DSCAML1: variants seen among roughly 807,000 people sequenced by gnomAD.
DSCAML1 encodes DS cell adhesion molecule like 1.
Under a neutral mutation model 200.5 loss-of-function variants are expected in DSCAML1, and 38 were observed. That is an observed-to-expected ratio of 0.19 (90% confidence interval 0.15 to 0.25). The LOEUF (loss-of-function observed/expected upper bound fraction) is 0.25, where lower values mean the gene tolerates loss of function less well. DSCAML1 is among the 10% of genes least tolerant of loss of function. The pLI is 1.00. For synonymous variants in DSCAML1, 1,215 were observed against 1,165.0 expected (o/e 1.04, Z -0.87); for missense variants, 2,223 against 2,858.8 (o/e 0.78, Z 5.07).
At position 117,780,249 on chromosome 11, in the gene DSCAML1, A is replaced by G. The variant is rs1259880701; in HGVS notation, c.364+244T>C. ...AAAGAAAGGAAAGAAAGAAAGAAAG[A>G]AAGAAAGAAAGAAAGAAAGAAAGAA... is the stretch of plus-strand genomic sequence containing the variant. On this transcript the variant is annotated intron_variant, in intron 2 of 32. Coordinates refer to ENST00000651296, the MANE Select transcript of DSCAML1 (RefSeq NM_020693.4). This position sits in a 1 kb window ranked among gnomAD's most constrained non-coding sequence, Gnocchi z 4.8. Among the ~76,000 whole-genome samples the G allele has an allele frequency of 3.7e-5, 3 of 80,586 alleles. No homozygotes were observed. The highest frequency in any genetic ancestry group is 1.2e-4 in the Admixed American group (1 of 8,372). 52.9% of individuals were successfully genotyped at this position (80,586 alleles called of 152,430 possible).
chr11:117,614,411 C>T (rs561136820), intron 3 of DSCAML1, among the ~76,000 whole-genome samples: 66 of 152,262 alleles, frequency 4.3e-4, no homozygotes, highest in South Asian at 1.5e-3. Flanking sequence ...TGTACTGGGG[C>T]GCAGTGTGGC....
intron 3 of DSCAML1, among the ~76,000 whole-genome samples, chr11:117,759,411 C>T (rs140921459): frequency 6.6e-6 from 1 of 152,194 alleles, no homozygotes; most frequent in Admixed American, 6.5e-5. Context: ...GACCCTGCCC[C>T]GCCCTCTGCC....
intron 3 of DSCAML1, among the ~76,000 whole-genome samples, chr11:117,629,620 G>C (rs1232697297): frequency 1.3e-5 from 2 of 152,008 alleles, no homozygotes; most frequent in Non-Finnish European, 2.9e-5. Flanking sequence ...GACAGAGACA[G>C]GGAGACTCAG....
chr11:117,656,853 G>A (rs764219677), intron 3 of DSCAML1, among the ~76,000 whole-genome samples: 1 of 152,190 alleles, frequency 6.6e-6, no homozygotes. Context: ...GCCCTCAAAT[G>A]CCCAGGCACC....
chr11:117,508,591 C>A (rs905084395), intron 8 of DSCAML1, among the ~76,000 whole-genome samples: 5 of 151,326 alleles, frequency 3.3e-5, no homozygotes, highest in African/African-American at 1.2e-4. Context: ...GTTCTGGAAC[C>A]TTGGTCCCTT....
At chr11:117,435,534 ACACAGG>A in intron 27 of DSCAML1, 104 bp downstream of exon 27, 1 of 1,303,918 alleles carries the variant, frequency 7.7e-7, no homozygotes, top group Non-Finnish European at 1.0e-6. Context: ...CTTCAAGGGG[ACACAGG>A]CACTCTGTAT....
intron 8 of DSCAML1, among the ~76,000 whole-genome samples, chr11:117,509,951 A>G (rs2049585598): frequency 6.6e-6 from 1 of 152,192 alleles, no homozygotes; most frequent in Non-Finnish European, 1.5e-5. Context: ...AATGCCTCAC[A>G]ACCCAGGGCT....
chr11:117,692,835 C>A lies in DSCAML1; in HGVS notation c.511+83956G>T, dbSNP rs137959206. Among the ~76,000 whole-genome samples the A allele has an allele frequency of 2.8e-3, 429 of 152,298 alleles. 4 individuals are homozygous for A. The highest frequency in any genetic ancestry group is 9.9e-3 in the African/African-American group (412 of 41,558). ...CCCCTGCATGGAATGGAACTGAAAC[C>A]GGTTGTTCTACAGCTCCCAAGTTCT... On this transcript the variant is annotated intron_variant, in intron 3 of 32. Coordinates refer to ENST00000651296, the MANE Select transcript of DSCAML1 (RefSeq NM_020693.4).
At chr11:117,809,026 T>C (rs1021081269) in intron 1 of DSCAML1, among the ~76,000 whole-genome samples, 4 of 152,230 alleles carry the variant, frequency 2.6e-5, no homozygotes, top group African/African-American at 9.6e-5. Flanking sequence ...CTGTCTACCC[T>C]GCTCTAGCAG....
intron 1 of DSCAML1, among the ~76,000 whole-genome samples, chr11:117,813,661 A>C (rs2055778659): frequency 6.6e-6 from 1 of 152,076 alleles, no homozygotes; most frequent in African/African-American, 2.4e-5. Context: ...ATCACCAATC[A>C]TTCTACATGA....
At chr11:117,747,976 C>T (rs910805074) in intron 3 of DSCAML1, among the ~76,000 whole-genome samples, 6 of 152,162 alleles carry the variant, frequency 3.9e-5, no homozygotes, top group East Asian at 3.9e-4. Context: ...GGGTTCTCCC[C>T]AACACAACAG....
chr11:117,592,476 C>A (rs964487326), intron 3 of DSCAML1, among the ~76,000 whole-genome samples: 1 of 152,050 alleles, frequency 6.6e-6, no homozygotes, highest in Non-Finnish European at 1.5e-5. Context: ...TGTTTCTTTT[C>A]TTTCTTTGGT....
At chr11:117,722,682 AAAC>A (rs1360443145) in intron 3 of DSCAML1, among the ~76,000 whole-genome samples, 1 of 152,168 alleles carries the variant, frequency 6.6e-6, no homozygotes, top group Non-Finnish European at 1.5e-5. Flanking sequence ...AAGAAAAACG[AAAC>A]AATAAATAAA....
At position 117,430,768 on chromosome 11, in the gene DSCAML1, G is replaced by A. The variant is rs750242372; in HGVS notation, c.5640C>T (p.Asp1880=). The A allele has an allele frequency of 3.1e-6, 5 of 1,613,964 alleles. No homozygotes were observed. The South Asian group carries it at 4.4e-5, about 14-fold the overall frequency. Reference sequence around the variant, plus strand: ...TGGGCACAGCCACGTTTTTGCCCCGGTCCGCATCCTGGGGCTTGGGTGGTG... The same window carrying A: ...TGGGCACAGCCACGTTTTTGCCCCGATCCGCATCCTGGGGCTTGGGTGGTG... ...TASPPKPQDA[D]RGKNVAVPIP... The change falls in exon 32 of 33, where the codon GAC becomes GAT. Residue 1880 remains aspartate, a synonymous_variant. Coordinates refer to ENST00000651296, the MANE Select transcript of DSCAML1 (RefSeq NM_020693.4).
At chr11:117,502,917 A>G (rs1380908968) in intron 11 of DSCAML1, among the ~76,000 whole-genome samples, 1 of 152,102 alleles carries the variant, frequency 6.6e-6, no homozygotes, top group Non-Finnish European at 1.5e-5. Flanking sequence ...AGGTCCCACG[A>G]CAGTAAGTCC....
chr11:117,779,619 C>T (rs984827913), intron 2 of DSCAML1, among the ~76,000 whole-genome samples: 1 of 152,182 alleles, frequency 6.6e-6, no homozygotes, highest in Non-Finnish European at 1.5e-5. Context: ...CCTCCCACCA[C>T]ACACAGCAGC....
intron 3 of DSCAML1, among the ~76,000 whole-genome samples, chr11:117,638,785 T>A (rs894949533): frequency 6.6e-6 from 1 of 152,254 alleles, no homozygotes; most frequent in Non-Finnish European, 1.5e-5. Flanking sequence ...TGTTCATTAA[T>A]GGACATTTGT....
chr11:117,576,415 GC>G (rs1001177123), intron 3 of DSCAML1, among the ~76,000 whole-genome samples: 1 of 152,168 alleles, frequency 6.6e-6, no homozygotes, highest in Admixed American at 6.5e-5. Context: ...GGAGCACAAG[GC>G]CGCTTTCCCA....
intron 17 of DSCAML1, among the ~76,000 whole-genome samples, chr11:117,461,887 G>C (rs1485698791): frequency 6.6e-6 from 1 of 152,154 alleles, no homozygotes; most frequent in African/African-American, 2.4e-5. Context: ...AGAAGGTGAG[G>C]AACTCTGGGC....
Sources: gnomAD v4.1 joint callset for allele counts (sites outside exome capture counted in the v4.1 genomes callset) on GRCh38, gnomAD v4.1.1 for gene constraint, Gnocchi (gnomAD v3.1) non-coding constraint, MANE v1.5 for transcripts, NCBI Gene and HGNC (gene_info 2026-07-23, HGNC 2026-07-21) for gene names.